The following MBOAT2 variants were observed in gnomAD, a reference collection of about 807,000 sequenced individuals.
The protein encoded by MBOAT2 is membrane bound glycerophospholipid O-acyltransferase 2, also known as membrane-bound glycerophospholipid O-acyltransferase 2.
A neutral mutation model predicts 63.4 loss-of-function variants in MBOAT2; 28 were observed. The ratio of observed to expected loss-of-function variants is 0.44; its 90% confidence interval spans 0.33 to 0.61. The LOEUF is 0.61. MBOAT2 is among the 20% of genes least tolerant of loss of function. The probability of loss-of-function intolerance (pLI) is 0.03; values close to 1 mark genes in which losing one functional copy is unlikely to be tolerated. For synonymous variants in MBOAT2, 211 were observed against 215.6 expected, an observed-to-expected ratio of 0.98 and a Z score of 0.19; for missense variants, 470 against 605.8, an observed-to-expected ratio of 0.78 and a Z score of 2.35.
At chr2:8,885,168 G>T (rs1663456221) in intron 5 of MBOAT2, among the ~76,000 whole-genome samples, 1 of 152,170 alleles carries the variant, frequency 6.6e-6, no homozygotes, top group Non-Finnish European at 1.5e-5. Context: ...ATAGGTAAAA[G>T]AAAATGATTG....
intron 1 of MBOAT2, among the ~76,000 whole-genome samples, chr2:8,995,625 C>A (rs1052656179): frequency 7.1e-6 from 1 of 141,844 alleles, no homozygotes; most frequent in African/African-American, 2.8e-5. Context: ...GAGTCTCGCT[C>A]TGTCACCCAG....
At chr2:8,886,771 T>C (rs1663583478) in intron 5 of MBOAT2, among the ~76,000 whole-genome samples, 2 of 152,256 alleles carry the variant, frequency 1.3e-5, no homozygotes, top group Non-Finnish European at 1.5e-5. Flanking sequence ...GACAAAATTA[T>C]ATCCTTGATC....
chr2:8,999,288 G>C (rs1207607796), intron 1 of MBOAT2, among the ~76,000 whole-genome samples: 1 of 152,094 alleles, frequency 6.6e-6, no homozygotes, highest in Non-Finnish European at 1.5e-5. Flanking sequence ...ACATCACTAG[G>C]GAAATTTACT....
chr2:8,909,391 G>C (rs1665548237), intron 3 of MBOAT2, among the ~76,000 whole-genome samples: 1 of 152,030 alleles, frequency 6.6e-6, no homozygotes, highest in African/African-American at 2.4e-5. Context: ...TCACAGTCTG[G>C]GTGGGGAAAA....
At chr2:8,898,300 T>C (rs1029228348) in intron 4 of MBOAT2, among the ~76,000 whole-genome samples, 6 of 152,136 alleles carry the variant, frequency 3.9e-5, no homozygotes, top group African/African-American at 7.2e-5. Flanking sequence ...GATTAGAGTA[T>C]AGAGGGGCCT....
At chr2:8,979,922 C>T (rs574751493) in intron 1 of MBOAT2, among the ~76,000 whole-genome samples, 2 of 152,070 alleles carry the variant, frequency 1.3e-5, no homozygotes, top group Non-Finnish European at 2.9e-5. Flanking sequence ...GGGAGAAAGC[C>T]GCAGATGGAA....
chr2:8,977,190 G>A (rs962892152), intron 1 of MBOAT2, among the ~76,000 whole-genome samples: 2 of 152,050 alleles, frequency 1.3e-5, no homozygotes, highest in African/African-American at 2.4e-5. Context: ...TACAGCTTTG[G>A]TGTCACTTAT....
intron 1 of MBOAT2, among the ~76,000 whole-genome samples, chr2:8,961,069 C>G (rs1297387607): frequency 1.3e-5 from 2 of 152,164 alleles, no homozygotes; most frequent in Non-Finnish European, 2.9e-5. Flanking sequence ...ATTTTTAAAA[C>G]AAGGAAGTGA....
At position 8,952,056 on chromosome 2, in the gene MBOAT2, T is replaced by G. The variant is rs139733456; in HGVS notation, c.221+6441A>C. ...GATCTAACTTTTTGAGGTGGGTGTTTAACACTGTATACTTTCCTCTTAACA... is the reference window on the plus strand; with the variant it reads ...GATCTAACTTTTTGAGGTGGGTGTTGAACACTGTATACTTTCCTCTTAACA... On this transcript the variant is annotated intron_variant, in intron 2 of 12. Coordinates refer to ENST00000305997, the MANE Select transcript of MBOAT2 (RefSeq NM_138799.4). Among the ~76,000 whole-genome samples, 4 of 152,352 alleles carry G rather than the reference T, an allele frequency of 2.6e-5. No individual in the cohort carries two copies. In the East Asian group the frequency reaches 7.7e-4, roughly 29 times the overall value.
intron 1 of MBOAT2, among the ~76,000 whole-genome samples, chr2:8,996,377 G>A (rs1055979201): frequency 1.3e-5 from 2 of 152,130 alleles, no homozygotes; most frequent in Non-Finnish European, 2.9e-5. Context: ...TGTATTCATC[G>A]GGTAGAGAAG....
intron 4 of MBOAT2, among the ~76,000 whole-genome samples, chr2:8,888,827 A>C (rs1421828906): frequency 1.3e-5 from 2 of 152,128 alleles, no homozygotes; most frequent in Non-Finnish European, 2.9e-5. Flanking sequence ...CAGGAGTCTG[A>C]GACCACCCTG....
intron 7 of MBOAT2, among the ~76,000 whole-genome samples, chr2:8,876,561 T>C (rs1213196085): frequency 6.6e-6 from 1 of 152,134 alleles, no homozygotes; most frequent in Non-Finnish European, 1.5e-5. Context: ...AAGTAGGCTT[T>C]TAAAGAGAAG....
chr2:8,920,137 G>T (rs775154151), intron 3 of MBOAT2, among the ~76,000 whole-genome samples: 3 of 152,068 alleles, frequency 2.0e-5, no homozygotes, highest in African/African-American at 4.8e-5. Flanking sequence ...AAGTCACAGA[G>T]AATTTCTCCT....
intron 1 of MBOAT2, among the ~76,000 whole-genome samples, chr2:8,986,652 T>A (rs1001085029): frequency 6.6e-6 from 1 of 152,030 alleles, no homozygotes; most frequent in African/African-American, 2.4e-5. Flanking sequence ...CCCCCCAAAA[T>A]TCATATGTTG....
chr2:8,857,848 G>A lies in MBOAT2; in HGVS notation c.*831C>T, dbSNP rs750160655. 2 of 152,114 alleles carry A rather than the reference G, an allele frequency of 1.3e-5. No individual in the cohort carries two copies. The highest frequency in any genetic ancestry group is 1.9e-4 in the East Asian group (1 of 5,192). 9.4% of individuals were successfully genotyped at this position (152,114 alleles called of 1,614,324 possible). On this transcript the variant is annotated 3_prime_UTR_variant, in exon 13 of 13. Transcript: ENST00000305997. ...GGGGGGAAGCTGCCTGCAGAGTCGC[G>A]GCTGTGCCCCGTGCATTCCACCGGA...
chr2:8,912,377 A>AAG (rs1558606911), intron 3 of MBOAT2, among the ~76,000 whole-genome samples: 1,232 of 62,598 alleles, frequency 0.02, 4 homozygotes, highest in Admixed American at 0.03. Context: ...AAGAAAGAGA[A>AAG]AGAAAGAAAG....
At position 8,856,333 on chromosome 2, in the gene MBOAT2, A is replaced by ACACACG. The variant is rs1269669405; in HGVS notation, c.*2345_*2346insCGTGTG. The ACACACG allele has an allele frequency of 1.3e-5, 2 of 151,946 alleles. No individual in the cohort carries two copies. Among genetic ancestry groups the ACACACG allele is most frequent in the African/African-American group, 4.8e-5 (2 of 41,398 alleles). 9.4% of individuals were successfully genotyped at this position (151,946 alleles called of 1,614,324 possible). A position where few individuals can be genotyped will look rare whatever the true frequency, so the allele number is the denominator to read the frequency against. On this transcript the variant is annotated 3_prime_UTR_variant, in exon 13 of 13. Transcript: ENST00000305997. This position sits in a 1 kb window ranked among gnomAD's most constrained non-coding sequence, Gnocchi z 4.2. ...AAAAAACACACACACACACACACAC[A>ACACACG]CACACACGAACAAAACCCAACAAGT...
chr2:8,982,994 A>G lies in MBOAT2; in HGVS notation c.75+20546T>C, dbSNP rs78581186. Among the ~76,000 whole-genome samples the G allele has an allele frequency of 7.3e-3, 1,115 of 152,268 alleles. 13 individuals are homozygous for G. Among genetic ancestry groups the G allele is most frequent in the South Asian group, 0.02 (97 of 4,828 alleles). ...TCATGGAAAAAAATTGAAATAGAACAAGGTGTGTGCACAGAATAGCCACAA... is the reference window on the plus strand; with the variant it reads ...TCATGGAAAAAAATTGAAATAGAACGAGGTGTGTGCACAGAATAGCCACAA... On this transcript the variant is annotated intron_variant, in intron 1 of 12. Transcript: ENST00000305997.
chr2:8,922,860 G>A (rs1490788910), intron 3 of MBOAT2, among the ~76,000 whole-genome samples: 1 of 152,196 alleles, frequency 6.6e-6, no homozygotes, highest in African/African-American at 2.4e-5. Flanking sequence ...CACATCCTCA[G>A]GCTAGGAGAG....
Sources: allele counts gnomAD v4.1 joint callset (sites outside exome capture counted in the v4.1 genomes callset), GRCh38; gene constraint gnomAD v4.1.1; non-coding constraint Gnocchi (gnomAD v3.1); transcripts MANE v1.5; gene names NCBI Gene and HGNC (gene_info 2026-07-23, HGNC 2026-07-21).